Variants in NCOR2 observed in about 807,000 individuals in gnomAD.
NCOR2 encodes the protein nuclear receptor corepressor 2.
In NCOR2, 81 loss-of-function variants were observed where a neutral mutation model predicts 262.9. The ratio of observed to expected loss-of-function variants is 0.31; its 90% CI spans 0.26 to 0.37. NCOR2 has a LOEUF of 0.37. Among genes scored for constraint, NCOR2 ranks in the 10% least tolerant of loss-of-function variants. The pLI is 1.00. For synonymous variants in NCOR2, 1,659 were observed against 1,559.3 expected (o/e 1.06, Z -1.51); for missense variants, 3,385 against 3,621.4 (o/e 0.93, Z 1.68).
rs1015944751 is a variant in NCOR2 at position 124,443,779 on chromosome 12, G to A, written c.816-5783C>T. On this transcript the variant is annotated intron_variant, in intron 7 of 46. Coordinates refer to ENST00000405201, the Ensembl canonical transcript of NCOR2. This position sits in a 1 kb window ranked among gnomAD's most constrained non-coding sequence, Gnocchi z 4.4. ...GCCTCCCAAAGTGCTGGGATTACAG[G>A]TGTGAGCCACCGCACCCGGCTGGTG... is the stretch of plus-strand genomic sequence containing the variant. Among the ~76,000 whole-genome samples, 2 of 152,170 alleles carry A rather than the reference G, an allele frequency of 1.3e-5. 1 individual carries two copies. The highest frequency in any genetic ancestry group is 4.1e-4 in the South Asian group (2 of 4,828).
At chr12:124,438,132 T>C in intron 7 of NCOR2, 136 bp from the exon 10 acceptor site, 1 of 768,756 alleles carries the variant, frequency 1.3e-6, no homozygotes, top group Non-Finnish European at 2.1e-6. Flanking sequence ...CCACCCGTGC[T>C]GTATCCCCAG....
intron 22 of NCOR2, among the ~76,000 whole-genome samples, chr12:124,360,281 T>C (rs535880147): frequency 2.2e-4 from 33 of 152,334 alleles, no homozygotes; most frequent in Non-Finnish European, 4.3e-4. Context: ...GCCCTGGTCA[T>C]GGGGCATCCC....
intron 6 of NCOR2, among the ~76,000 whole-genome samples, chr12:124,453,721 G>C (rs904496240): frequency 2.6e-5 from 4 of 152,228 alleles, no homozygotes. Context: ...GAACAGGAAG[G>C]AAGCAATGAC....
upstream of NCOR2, among the ~76,000 whole-genome samples, chr12:124,496,293 G>T (rs948003197): frequency 2.0e-5 from 3 of 151,652 alleles, no homozygotes; most frequent in Admixed American, 2.0e-4. The surrounding 1 kb of genome is among the most constrained non-coding windows in gnomAD (Gnocchi z 4.4). Flanking sequence ...CACCTGCTGG[G>T]CTTACAACAG....
chr12:124,529,239 AG>A (rs989874681), intron 1 of NCOR2, among the ~76,000 whole-genome samples: 1 of 150,338 alleles, frequency 6.7e-6, no homozygotes, highest in African/African-American at 2.4e-5. Context: ...GGCCAAAGTA[AG>A]TGGATGACCT....
intron 3 of NCOR2, among the ~76,000 whole-genome samples, chr12:124,474,638 A>C (rs528457611): frequency 4.7e-4 from 72 of 152,198 alleles, no homozygotes; most frequent in African/African-American, 1.7e-3. Context: ...AGGTCATTCA[A>C]CTGCTTCCTG....
At chr12:124,366,873 C>T (rs1227964636) in intron 20 of NCOR2, among the ~76,000 whole-genome samples, 1 of 152,002 alleles carries the variant, frequency 6.6e-6, no homozygotes, top group African/African-American at 2.4e-5. Context: ...ATCTTAATAA[C>T]GGTTACAAAA....
At chr12:124,449,781 C>G (rs368339615) in intron 7 of NCOR2, 34 bp downstream of exon 9, 15 of 1,612,272 alleles carry the variant, frequency 9.3e-6, no homozygotes, top group East Asian at 2.2e-5. Context: ...CACCCTGCCT[C>G]TGTGTGTCTG....
Position 124,549,623 on chromosome 12 carries a change from C to T in NCOR2, c.-164-14012G>A, listed in dbSNP as rs2051649991. On this transcript the variant is annotated intron_variant, in intron 1 of 32. Coordinates refer to the NCOR2 transcript ENST00000458234. The surrounding 1 kb of genome is among the most constrained non-coding windows in gnomAD (Gnocchi z 4.4). Reference sequence around the variant, plus strand: ...CTCATCATCACAGCCACAGTGACTCCTGACTCCCCACTGCAACCCAGGAGG... The same window carrying T: ...CTCATCATCACAGCCACAGTGACTCTTGACTCCCCACTGCAACCCAGGAGG... Among the ~76,000 whole-genome samples the T allele has an allele frequency of 6.6e-6, 1 of 152,166 alleles. No individual in the cohort carries two copies. The highest frequency in any genetic ancestry group is 1.5e-5 in the Non-Finnish European group (1 of 68,020).
exon 35 of NCOR2, chr12:124,340,624 G>T: frequency 6.7e-7 from 1 of 1,495,980 alleles, no homozygotes. Context: ...GGGAGCTGCT[G>T]TGGCGGCTGC....
rs112762616 is a variant in NCOR2, at chr12:124,484,603, C to T, written c.234-830G>A. 3.3e-5 allele frequency among the ~76,000 whole-genome samples: 5 copies of T among 152,338 alleles called. 2 individuals are homozygous for T. The highest frequency in any genetic ancestry group is 1.2e-4 in the African/African-American group (5 of 41,570). ...TGGCCTGGCCCTCGCTGTCCCGCCA[C>T]TGCACTCCTGCCCCAGGGCCTTTGC... is the stretch of plus-strand genomic sequence containing the variant. On this transcript the variant is annotated intron_variant, in intron 2 of 46. Transcript: ENST00000405201.
chr12:124,478,954 G>A (rs1430419984), intron 3 of NCOR2, among the ~76,000 whole-genome samples: 3 of 152,054 alleles, frequency 2.0e-5, no homozygotes, highest in South Asian at 4.1e-4. Flanking sequence ...CTGACAAGAA[G>A]AGGGAAAGCC....
intron 1 of NCOR2, among the ~76,000 whole-genome samples, chr12:124,510,366 G>A (rs554218325): frequency 5.3e-5 from 8 of 152,328 alleles, no homozygotes; most frequent in South Asian, 4.1e-4. Context: ...CTTCCACGCC[G>A]CTGCCCTGAG....
Position 124,333,931 on chromosome 12 carries a change from C to T in NCOR2, c.6605+493G>A, listed in dbSNP as rs866559325. Among the ~76,000 whole-genome samples, 89 of 108,776 alleles carry T rather than the reference C, an allele frequency of 8.2e-4. 1 individual carries two copies. The highest frequency in any genetic ancestry group is 7.0e-3 in the East Asian group (22 of 3,122). 71.4% of individuals were successfully genotyped at this position (108,776 alleles called of 152,430 possible). ...GTGTGCGGGTGTGCATGTGTGTGCG[C>T]GCGCATGTGTGTGGGTGTGCACGTG... is the stretch of plus-strand genomic sequence containing the variant. On this transcript the variant is annotated intron_variant, in intron 41 of 46. Coordinates refer to ENST00000405201, the Ensembl canonical transcript of NCOR2.
chr12:124,506,096 A>C (rs1208358153), intron 1 of NCOR2, among the ~76,000 whole-genome samples: 2 of 144,528 alleles, frequency 1.4e-5, no homozygotes, highest in African/African-American at 2.6e-5. Context: ...CCTTCACCCC[A>C]GGCAAAGCAG....
intron 3 of NCOR2, among the ~76,000 whole-genome samples, chr12:124,477,522 G>A (rs959973763): frequency 1.3e-5 from 2 of 152,220 alleles, no homozygotes; most frequent in African/African-American, 4.8e-5. Flanking sequence ...TCCTTTTGGG[G>A]TGATGAGAAT....
intron 10 of NCOR2, among the ~76,000 whole-genome samples, chr12:124,428,086 T>TGTGTGTGTGCGC (rs958627720): frequency 3.4e-5 from 5 of 147,054 alleles, no homozygotes; most frequent in Non-Finnish European, 7.5e-5. Flanking sequence ...TGTGTGTGTG[T>TGTGTGTGTGCGC]GTACATGCAA....
chr12:124,410,205 G>A (rs1024642644), intron 13 of NCOR2, among the ~76,000 whole-genome samples: 13 of 147,498 alleles, frequency 8.8e-5, no homozygotes, highest in African/African-American at 2.5e-4. Context: ...GATCCTGACC[G>A]ATCTGCTGCC....
rs1431464171 is a variant in NCOR2 at position 124,430,595 on chromosome 12, T to C, written c.1055+20A>G. On this transcript the variant is annotated intron_variant, in intron 9 of 46. Transcript: ENST00000405201. ...CCCCGGGCCCTGACGTCGGGGGCCC[T>C]GGGCTCAGGCCCCGCTCACCTCTGC... 1.0e-5 allele frequency: 16 copies of C among 1,594,022 alleles called. No homozygotes were observed. The highest frequency in any genetic ancestry group is 1.4e-5 in the Non-Finnish European group (16 of 1,168,870).
Sources: gnomAD v4.1 joint callset for allele counts (sites outside exome capture counted in the v4.1 genomes callset) on GRCh38, gnomAD v4.1.1 for gene constraint, Gnocchi (gnomAD v3.1) non-coding constraint, MANE v1.5 for transcripts, NCBI Gene and HGNC (gene_info 2026-07-23, HGNC 2026-07-21) for gene names.